POLR3H: variants seen among roughly 807,000 people sequenced by gnomAD.
The protein encoded by POLR3H is RNA polymerase III subunit H, also known as DNA-directed RNA polymerase III subunit RPC8.
POLR3H carries 17 observed loss-of-function variants against 25.5 expected under a neutral mutation model. The observed-to-expected ratio is 0.67, with a 90% CI of 0.46 to 1.00. POLR3H has a LOEUF of 1.00. POLR3H is among the 50% of genes least tolerant of loss of function. POLR3H has a pLI of 0.00. For synonymous variants in POLR3H, 129 were observed against 103.0 expected, an observed-to-expected ratio of 1.25 and a Z score of -1.53; for missense variants, 274 against 265.0, an observed-to-expected ratio of 1.03 and a Z score of -0.24.
intron 5 of POLR3H, among the ~76,000 whole-genome samples, chr22:41,529,993 G>T (rs1295443403): frequency 2.6e-5 from 4 of 152,024 alleles, no homozygotes; most frequent in Non-Finnish European, 5.9e-5. Flanking sequence ...CTGACCTCGT[G>T]ATCCGCCCAC....
intron 2 of POLR3H, among the ~76,000 whole-genome samples, chr22:41,537,965 A>ATTT (rs564442384): frequency 7.8e-6 from 1 of 127,754 alleles, no homozygotes; most frequent in Non-Finnish European, 1.7e-5. Flanking sequence ...GACCTGGCTA[A>ATTT]TTTTTTTTTT....
At chr22:41,532,822 C>T (rs2066767142) in intron 2 of POLR3H, 77 bp from the exon 3 acceptor site, 4 of 1,508,590 alleles carry the variant, frequency 2.7e-6, no homozygotes, top group Admixed American at 1.8e-5. Flanking sequence ...GGTGCCAGCA[C>T]ACCTGGGGGC....
Position 41,527,438 on chromosome 22 carries a change from C to G in POLR3H, c.*1845G>C. ...GATCCACGGTGAGCTGGAGTCTGTA[C>G]CCAGGCCATCCTCATCCCATCCCTA... is the stretch of plus-strand genomic sequence containing the variant. On this transcript the variant is annotated 3_prime_UTR_variant, in exon 6 of 6. Transcript: ENST00000355209. 6.3e-7 allele frequency: 1 copy of G among 1,596,728 alleles called. No homozygotes were observed.
chr22:41,532,807 C>T, intron 2 of POLR3H, 62 bp from the exon 3 acceptor site: 4 of 1,569,868 alleles, frequency 2.5e-6, no homozygotes, highest in Middle Eastern at 1.7e-4. Context: ...CCCATGTCAC[C>T]CTCAGGTGCC....
At position 41,526,867 on chromosome 22, in the gene POLR3H, G is replaced by A. The variant is rs567058077; in HGVS notation, c.*2416C>T. The A allele has an allele frequency of 3.2e-6, 1 of 310,632 alleles. No individual in the cohort carries two copies. The highest frequency in any genetic ancestry group is 6.0e-6 in the Non-Finnish European group (1 of 165,904). 19.2% of individuals were successfully genotyped at this position (310,632 alleles called of 1,614,324 possible). On this transcript the variant is annotated 3_prime_UTR_variant, in exon 6 of 6. Transcript: ENST00000355209. The stretch of plus-strand genomic sequence containing the variant: ...AGAACCAGGGCTGAACCCAAGTCCT[G>A]GCCCAGCCGGGTGAAAGGACTCTGG...
At chr22:41,543,508 C>G (rs1231319883) in intron 1 of POLR3H, among the ~76,000 whole-genome samples, 2 of 152,066 alleles carry the variant, frequency 1.3e-5, no homozygotes, top group Non-Finnish European at 2.9e-5. Flanking sequence ...GTTGTCCCAG[C>G]TACTCGGGAG....
In POLR3H at chr22:41,530,702, A is replaced by T. The variant is rs1413585401; in HGVS notation, c.546T>A (p.Ala182=). 4 of 1,613,100 alleles carry T rather than the reference A, an allele frequency of 2.5e-6. No individual in the cohort carries two copies. In the South Asian group the frequency reaches 4.4e-5, roughly 18 times the overall value. Residue 182 remains alanine, a synonymous_variant, in exon 5 of 6, where the codon GCT becomes GCA. Coordinates refer to ENST00000355209, the MANE Select transcript of POLR3H (RefSeq NM_001018050.4). The stretch of plus-strand genomic sequence containing the variant: ...AGCCACTCACCACAAGCGTGTACGG[A>T]GCCTCCTTCTTTGGCAGCTCCTCAC... The part of the protein sequence containing the change: ...TSSEELPKKE[A]PYTLVGSISE...
intron 2 of POLR3H, among the ~76,000 whole-genome samples, chr22:41,535,816 A>G (rs2066831651): frequency 6.6e-6 from 1 of 152,178 alleles, no homozygotes; most frequent in African/African-American, 2.4e-5. Flanking sequence ...TCTACTAAAA[A>G]TACAAAATTA....
chr22:41,529,442 C>G (rs1601942677), intron 5 of POLR3H, 106 bp from the exon 6 acceptor site: 1 of 943,600 alleles, frequency 1.1e-6, no homozygotes. Flanking sequence ...AAAGAAGAGG[C>G]GGGGCACACG....
chr22:41,530,659 G>T, intron 5 of POLR3H, 28 bp downstream of exon 5: 1 of 1,590,728 alleles, frequency 6.3e-7, no homozygotes, highest in East Asian at 2.3e-5. Context: ...CGCCTCATGG[G>T]GGCTTCAGCA....
At chr22:41,534,236 A>T (rs772007240) in intron 2 of POLR3H, among the ~76,000 whole-genome samples, 22 of 152,192 alleles carry the variant, frequency 1.4e-4, no homozygotes, top group Non-Finnish European at 2.8e-4. Context: ...TCCTGCGCCC[A>T]GGGAGCCCCA....
chr22:41,532,600 A>C (rs756027362), intron 3 of POLR3H, 59 bp downstream of exon 3: 2 of 1,613,272 alleles, frequency 1.2e-6, no homozygotes, highest in Admixed American at 3.3e-5. Context: ...GGGTGGACAC[A>C]GACCTCCTGC....
chr22:41,528,906 ATT>A lies in POLR3H; in HGVS notation c.*375_*376del. The stretch of plus-strand genomic sequence containing the variant: ...TCTAAAGTTTTTCTCCTGCCTGATC[ATT>A]TCATTGGTGGCTGAAGGATTCTAGA... On this transcript the variant is annotated 3_prime_UTR_variant, in exon 6 of 6. Transcript: ENST00000355209. 3 of 516,916 alleles carry A rather than the reference ATT, an allele frequency of 5.8e-6. No homozygotes were observed. The highest frequency in any genetic ancestry group is 3.4e-6 in the Non-Finnish European group (1 of 293,082). 32.0% of individuals were successfully genotyped at this position (516,916 alleles called of 1,614,324 possible). A position where few individuals can be genotyped will look rare whatever the true frequency, so the allele number is the denominator to read the frequency against.
At chr22:41,542,137 G>A (rs1043426927) in intron 1 of POLR3H, among the ~76,000 whole-genome samples, 27 of 152,000 alleles carry the variant, frequency 1.8e-4, no homozygotes, top group Non-Finnish European at 3.7e-4. Flanking sequence ...AGGCTGGAAG[G>A]CAGTGGTGCG....
At chr22:41,543,934 G>T in intron 1 of POLR3H, 57 bp downstream of exon 1, 2 of 1,315,232 alleles carry the variant, frequency 1.5e-6, no homozygotes, top group Non-Finnish European at 2.2e-6. Flanking sequence ...CCTGCGGCCA[G>T]TGGGCGGCGC....
Position 41,527,207 on chromosome 22 carries a change from G to A in POLR3H, c.*2076C>T. The A allele has an allele frequency of 2.5e-6, 4 of 1,602,370 alleles. No individual in the cohort carries two copies. Among genetic ancestry groups the A allele is most frequent in the South Asian group, 1.1e-5 (1 of 90,462 alleles). ...CTCAGGATGCCCAGGCGCCAGGTGGGTGAGGCCAGGCAGGTAGGGCCAGAC... is the reference window on the plus strand; with the variant it reads ...CTCAGGATGCCCAGGCGCCAGGTGGATGAGGCCAGGCAGGTAGGGCCAGAC... On this transcript the variant is annotated 3_prime_UTR_variant, in exon 6 of 6. Transcript: ENST00000355209.
At chr22:41,529,393 G>A (rs2066675245) in intron 5 of POLR3H, 57 bp from the exon 6 acceptor site, 1 of 1,530,560 alleles carries the variant, frequency 6.5e-7, no homozygotes, top group Non-Finnish European at 9.0e-7. Flanking sequence ...AACCAACCTG[G>A]ACAGGAGGTG....
Position 41,528,924 on chromosome 22 carries a change from G to A in POLR3H, c.*359C>T, listed in dbSNP as rs2066663289. 2 of 510,506 alleles carry A rather than the reference G, an allele frequency of 3.9e-6. No individual in the cohort carries two copies. Among genetic ancestry groups the A allele is most frequent in the Admixed American group, 3.7e-5 (1 of 26,864 alleles). The allele number at this position is 510,506 out of a possible 1,614,324, so 31.6% of individuals were successfully genotyped here. On this transcript the variant is annotated 3_prime_UTR_variant, in exon 6 of 6. Transcript: ENST00000355209. ...CCTGATCATTTCATTGGTGGCTGAA[G>A]GATTCTAGAGAACCTTTTGTTCTTG... is the stretch of plus-strand genomic sequence containing the variant.
chr22:41,543,654 A>T lies in POLR3H; in HGVS notation c.111+337T>A, dbSNP rs2066968856. The stretch of plus-strand genomic sequence containing the variant: ...AAAACAAAACAAAACAAAACAAACA[A>T]CAACAACAACAAAAACAATGCATGG... On this transcript the variant is annotated intron_variant, in intron 1 of 5. Transcript: ENST00000355209. The T allele has an allele frequency of 1.6e-5, 7 of 424,542 alleles. No homozygotes were observed. The Admixed American group carries it at 1.7e-4, about 10-fold the overall frequency. The allele number at this position is 424,542 out of a possible 1,614,324, so 26.3% of individuals were successfully genotyped here. A position where few individuals can be genotyped will look rare whatever the true frequency, so the allele number is the denominator to read the frequency against.
Sources: gnomAD v4.1 joint callset for allele counts (sites outside exome capture counted in the v4.1 genomes callset) on GRCh38, gnomAD v4.1.1 for gene constraint, MANE v1.5 for transcripts, NCBI Gene and HGNC (gene_info 2026-07-23, HGNC 2026-07-21) for gene names.